MALRD1: variants seen among roughly 807,000 people sequenced by gnomAD.
MALRD1 encodes the protein MAM and LDL-receptor class A domain-containing protein 1.
In MALRD1, 247 loss-of-function variants were observed where a neutral mutation model predicts 242.1. The observed-to-expected ratio is 1.02, with a 90% CI of 0.92 to 1.13. The LOEUF (loss-of-function observed/expected upper bound fraction) is 1.13. Among genes scored for constraint, MALRD1 ranks in the 50% most tolerant of loss-of-function variants. MALRD1 has a pLI of 0.00. For synonymous variants in MALRD1, 995 were observed against 866.6 expected (o/e 1.15, Z -2.60); for missense variants, 2,989 against 2,533.1 (o/e 1.18, Z -3.86).
intron 38 of MALRD1, chr10:19,711,354 C>T (rs1247818428): frequency 6.6e-6 from 1 of 152,140 alleles, no homozygotes; most frequent in Non-Finnish European, 1.5e-5. Context: ...TTTTGACAAA[C>T]ATCTGTTAAG....
chr10:19,682,247 A>G (rs1842405129), intron 36 of MALRD1, among the ~76,000 whole-genome samples: 1 of 152,172 alleles, frequency 6.6e-6, no homozygotes, highest in African/African-American at 2.4e-5. Context: ...ACAATGAGAC[A>G]AATGAGCTGA....
intron 32 of MALRD1, among the ~76,000 whole-genome samples, chr10:19,559,142 C>T (rs938267965): frequency 1.3e-5 from 2 of 151,882 alleles, no homozygotes; most frequent in African/African-American, 4.8e-5. Context: ...GAGATAGTAC[C>T]ACTGCACTCC....
Position 19,105,871 on chromosome 10 carries a change from A to G in MALRD1, c.694+1796A>G, listed in dbSNP as rs145793419. On this transcript the variant is annotated intron_variant, in intron 5 of 39. Coordinates refer to ENST00000454679, the MANE Select transcript of MALRD1 (RefSeq NM_001142308.3). ...TTTGTGTCCACTTTCAAATTTGATT[A>G]TTTGAAAATGAGTTGTTTTGAGTTT... Among the ~76,000 whole-genome samples, 433 of 151,928 alleles carry G rather than the reference A, an allele frequency of 2.9e-3. 8 individuals are homozygous for G. Among genetic ancestry groups the G allele is most frequent in the East Asian group, 2.1e-3 (11 of 5,168 alleles).
At chr10:19,679,768 A>G (rs1396530669) in intron 36 of MALRD1, among the ~76,000 whole-genome samples, 1 of 151,246 alleles carries the variant, frequency 6.6e-6, no homozygotes, top group African/African-American at 2.4e-5. Context: ...AGATCTTTTG[A>G]GCTTTTCGAT....
intron 33 of MALRD1, among the ~76,000 whole-genome samples, chr10:19,589,001 G>A (rs935070730): frequency 6.6e-6 from 1 of 152,094 alleles, no homozygotes; most frequent in South Asian, 2.1e-4. Flanking sequence ...ATGTTTATGT[G>A]CTTGTCACAT....
intron 32 of MALRD1, among the ~76,000 whole-genome samples, chr10:19,559,226 C>G (rs1038325973): frequency 3.3e-5 from 5 of 151,664 alleles, no homozygotes; most frequent in Admixed American, 2.0e-4. Flanking sequence ...TTTCATTACC[C>G]TTTTAAAATT....
chr10:19,405,110 T>A (rs891994008), intron 28 of MALRD1, among the ~76,000 whole-genome samples: 1 of 152,156 alleles, frequency 6.6e-6, no homozygotes, highest in African/African-American at 2.4e-5. Flanking sequence ...AATGAAGTGG[T>A]GTTTTGCATA....
intron 28 of MALRD1, among the ~76,000 whole-genome samples, chr10:19,437,866 T>A (rs1420325079): frequency 6.6e-6 from 1 of 152,086 alleles, no homozygotes; most frequent in East Asian, 1.9e-4. Flanking sequence ...CATTTAAGCT[T>A]TTTTTCTGAA....
At chr10:19,473,856 TTA>T (rs1836610058) in intron 29 of MALRD1, among the ~76,000 whole-genome samples, 2 of 152,142 alleles carry the variant, frequency 1.3e-5, no homozygotes, top group Admixed American at 6.6e-5. Flanking sequence ...AACAGTTTGA[TTA>T]TATGGTAATT....
chr10:19,180,464 T>C (rs1835457653), intron 14 of MALRD1, among the ~76,000 whole-genome samples: 1 of 151,976 alleles, frequency 6.6e-6, no homozygotes, highest in Non-Finnish European at 1.5e-5. Context: ...GAGGACACAG[T>C]AGGGAAAAAA....
chr10:19,687,735 C>T (rs75223704), intron 36 of MALRD1, among the ~76,000 whole-genome samples: 101 of 152,258 alleles, frequency 6.6e-4, no homozygotes, highest in South Asian at 1.7e-3. Flanking sequence ...AAACTAATTT[C>T]GCTTTTGGCC....
At chr10:19,666,933 G>A (rs1377929321) in intron 36 of MALRD1, among the ~76,000 whole-genome samples, 1 of 152,162 alleles carries the variant, frequency 6.6e-6, no homozygotes, top group Non-Finnish European at 1.5e-5. Context: ...TGCAGAAGAA[G>A]CTATCAATGA....
At chr10:19,361,291 C>A (rs768082473) in intron 26 of MALRD1, among the ~76,000 whole-genome samples, 3 of 152,134 alleles carry the variant, frequency 2.0e-5, no homozygotes, top group African/African-American at 7.2e-5. Context: ...CTCCTTCCCA[C>A]TGGCCAGCAT....
intron 26 of MALRD1, among the ~76,000 whole-genome samples, chr10:19,385,622 C>T (rs961861789): frequency 1.5e-4 from 23 of 151,924 alleles, no homozygotes. Flanking sequence ...TTATCTGAGT[C>T]TTCTTTATTC....
chr10:19,237,788 A>C (rs1220999682), intron 18 of MALRD1, among the ~76,000 whole-genome samples: 1 of 115,922 alleles, frequency 8.6e-6, no homozygotes, highest in East Asian at 2.3e-4. Flanking sequence ...ATTATTTATA[A>C]TTTTATATAT....
intron 21 of MALRD1, among the ~76,000 whole-genome samples, chr10:19,292,853 A>G (rs911986788): frequency 7.0e-6 from 1 of 143,664 alleles, no homozygotes; most frequent in Non-Finnish European, 1.5e-5. Flanking sequence ...AGATCACGCC[A>G]TTGCACTCCA....
At chr10:19,438,873 A>G (rs556168909) in intron 28 of MALRD1, among the ~76,000 whole-genome samples, 9 of 152,200 alleles carry the variant, frequency 5.9e-5, no homozygotes, top group Admixed American at 2.0e-4. Flanking sequence ...AATGTTTTCC[A>G]CAGGATCTAT....
intron 2 of MALRD1, among the ~76,000 whole-genome samples, chr10:19,073,444 A>G (rs925535263): frequency 6.6e-6 from 1 of 152,126 alleles, no homozygotes; most frequent in African/African-American, 2.4e-5. Flanking sequence ...TCTGAAATCC[A>G]AAGTGCTCCG....
At chr10:19,665,899 T>A (rs61841460) in intron 36 of MALRD1, among the ~76,000 whole-genome samples, 5 of 138,604 alleles carry the variant, frequency 3.6e-5, no homozygotes, top group African/African-American at 7.5e-5. Flanking sequence ...TTTTTTTTTT[T>A]AATTCCTTGC....
Sources: gnomAD v4.1 joint callset for allele counts (sites outside exome capture counted in the v4.1 genomes callset) on GRCh38, gnomAD v4.1.1 for gene constraint, MANE v1.5 for transcripts, NCBI Gene and HGNC (gene_info 2026-07-23, HGNC 2026-07-21) for gene names.